DNAH10: variants seen among roughly 807,000 people sequenced by gnomAD.
The protein encoded by DNAH10 is dynein axonemal heavy chain 10.
In DNAH10, 348 loss-of-function variants were observed where a neutral mutation model predicts 506.6. The observed-to-expected ratio is 0.69, with a 90% CI of 0.63 to 0.75. DNAH10 has a LOEUF of 0.75. Ranked by LOEUF, DNAH10 falls within the 30% of genes least tolerant of loss-of-function variation. DNAH10 has a pLI of 0.00. For synonymous variants in DNAH10, 2,059 were observed against 2,198.6 expected (o/e 0.94, Z 1.78); for missense variants, 5,179 against 5,787.1 (o/e 0.89, Z 3.41).
intron 70 of DNAH10, chr12:123,929,003 T>C (rs2137689264): frequency 3.7e-6 from 2 of 534,420 alleles, no homozygotes; most frequent in South Asian, 2.6e-5. Context: ...TCTGGGGAGG[T>C]GGAGGGAAGA....
intron 1 of DNAH10, among the ~76,000 whole-genome samples, chr12:123,765,827 C>T (rs1451609879): frequency 1.3e-5 from 2 of 151,126 alleles, no homozygotes; most frequent in Non-Finnish European, 2.9e-5. Context: ...ATACATCTAT[C>T]TCTATCTATA....
At chr12:123,922,607 C>T (rs1954777768) in intron 65 of DNAH10, among the ~76,000 whole-genome samples, 1 of 152,212 alleles carries the variant, frequency 6.6e-6, no homozygotes, top group Admixed American at 6.5e-5. Context: ...GTGGCTTAAG[C>T]AACAGAAATT....
In DNAH10 at chr12:123,928,543, C is replaced by A; in HGVS notation, c.12262C>A (p.Pro4088Thr). The A allele has an allele frequency of 6.2e-7, 1 of 1,610,316 alleles. No individual in the cohort carries two copies. Among genetic ancestry groups the A allele is most frequent in the Admixed American group, 1.7e-5 (1 of 59,556 alleles). ...CTTCCGCCTGTGGCTCACCACGGAC[C>A]CCACCAAGGGCTTCCCCATTGGGAT... ...PDFRLWLTTDPTKGFPIGILQ... is the reference protein window; with the variant it reads ...PDFRLWLTTDTTKGFPIGILQ... The change falls in exon 70 of 79, where the codon CCC becomes ACC. Residue 4088 changes from proline to threonine, a missense_variant. Coordinates refer to ENST00000673944, the MANE Select transcript of DNAH10 (RefSeq NM_001372106.1). This position sits in a 1 kb window ranked among gnomAD's most constrained non-coding sequence, Gnocchi z 4.9.
chr12:123,779,469 C>A (rs1337579581), intron 5 of DNAH10, among the ~76,000 whole-genome samples: 2 of 152,106 alleles, frequency 1.3e-5, no homozygotes, highest in Non-Finnish European at 2.9e-5. Context: ...TGTTGCCTTC[C>A]CCATATGAAA....
At chr12:123,851,464 C>T (rs1398066502) in intron 35 of DNAH10, among the ~76,000 whole-genome samples, 1 of 152,192 alleles carries the variant, frequency 6.6e-6, no homozygotes, top group African/African-American at 2.4e-5. Context: ...TTCTTCCTCC[C>T]CCACCTCTTT....
Position 123,923,822 on chromosome 12 carries a change from G to T in DNAH10, c.11566G>T (p.Ala3856Ser), listed in dbSNP as rs774211643. 27 of 1,612,200 alleles carry T rather than the reference G, an allele frequency of 1.7e-5. No individual in the cohort carries two copies. In the Middle Eastern group the frequency reaches 4.9e-4, roughly 29 times the overall value. Residue 3856 changes from alanine to serine, a missense_variant, in exon 66 of 79, where the codon GCA becomes TCA. By Grantham distance (99) the Ala-to-Ser change is moderately conservative. Around this residue, in one of 3 missense-constraint regions of DNAH10, gnomAD observed 4,844 missense variants for 5,430.5 expected, o/e 0.89. Transcript: ENST00000673944. ...TAATATGACCATCAAGATAGAACAA[G>T]CAGAAGGGAGAGTCCCTCAAGAAGA... ...SFNMTIKIEQ[A>S]EGRVPQEELD...
chr12:123,860,764 A>G (rs1951579855), intron 38 of DNAH10, among the ~76,000 whole-genome samples: 1 of 152,224 alleles, frequency 6.6e-6, no homozygotes. Flanking sequence ...GGTGCCCTCC[A>G]GAGGCAAAGC....
chr12:123,826,108 C>A (rs899253512), intron 24 of DNAH10, among the ~76,000 whole-genome samples: 1 of 151,496 alleles, frequency 6.6e-6, no homozygotes, highest in African/African-American at 2.4e-5. Context: ...TGGGTGGCAG[C>A]GAGACCCTGT....
intron 28 of DNAH10, 99 bp from the exon 29 acceptor site, chr12:123,838,357 C>T (rs558126964): frequency 2.0e-5 from 21 of 1,046,084 alleles, no homozygotes; most frequent in Admixed American, 7.8e-5. Context: ...TTGTCTCGGC[C>T]GTGCCTGGGC....
rs537839268 is a variant in DNAH10, at chr12:123,868,034, G to A, written c.7434G>A (p.Met2478Ile). Residue 2478 changes from methionine (M) to isoleucine (I), a missense_variant, in exon 43 of 79, where the codon ATG becomes ATA. Met to Ile is a conservative substitution (Grantham distance 10). This residue lies in a region of DNAH10 where 4,844 missense variants were observed against 5,430.5 expected (regional missense o/e 0.89). Coordinates refer to ENST00000673944, the MANE Select transcript of DNAH10 (RefSeq NM_001372106.1). Reference sequence around the variant, plus strand: ...CCTCCCTGCTTGAGGATGGAAGGATGAAATTTGACGAATATATCAAACGCC... The same window carrying A: ...CCTCCCTGCTTGAGGATGGAAGGATAAAATTTGACGAATATATCAAACGCC... The part of the protein sequence containing the change: ...LGASLLEDGR[M>I]KFDEYIKRLA... 2 of 1,613,926 alleles carry A rather than the reference G, an allele frequency of 1.2e-6. No homozygotes were observed. The highest frequency in any genetic ancestry group is 2.2e-5 in the South Asian group (2 of 91,074).
chr12:123,887,879 G>A (rs975519682), intron 52 of DNAH10, among the ~76,000 whole-genome samples: 1 of 152,112 alleles, frequency 6.6e-6, no homozygotes, highest in African/African-American at 2.4e-5. Context: ...CGAGTAGCTG[G>A]GACTACAGGC....
intron 12 of DNAH10, 43 bp from the exon 13 acceptor site, chr12:123,796,613 G>C: frequency 6.6e-7 from 1 of 1,525,292 alleles, no homozygotes; most frequent in Non-Finnish European, 8.8e-7. Flanking sequence ...TGGCTAACCT[G>C]GCGATGTTTA....
rs147685127 is a variant in DNAH10, at chr12:123,813,363, G to A, written c.3344G>A (p.Arg1115Gln). The part of the protein sequence containing the change: ...MKYLQKWKRY[R>Q]PLWKLDKAIV... ...TATCTACAAAAATGGAAGCGGTATCGACCTCTCTGGAAATTGGACAAAGCT... is the reference window on the plus strand; with the variant it reads ...TATCTACAAAAATGGAAGCGGTATCAACCTCTCTGGAAATTGGACAAAGCT... The change falls in exon 20 of 79, where the codon CGA becomes CAA. Residue 1115 changes from arginine (R) to glutamine (Q), a missense_variant. Around this residue, in one of 3 missense-constraint regions of DNAH10, gnomAD observed 4,844 missense variants for 5,430.5 expected, o/e 0.89. Coordinates refer to ENST00000673944, the MANE Select transcript of DNAH10 (RefSeq NM_001372106.1). The A allele has an allele frequency of 1.2e-5, 19 of 1,614,078 alleles. No homozygotes were observed. Among genetic ancestry groups the A allele is most frequent in the Middle Eastern group, 1.6e-4 (1 of 6,084 alleles).
Position 123,926,353 on chromosome 12 carries a change from G to A in DNAH10, c.11922-284G>A. The A allele has an allele frequency of 2.5e-6, 1 of 401,164 alleles. No individual in the cohort carries two copies. The highest frequency in any genetic ancestry group is 4.3e-6 in the Non-Finnish European group (1 of 230,210). The allele number at this position is 401,164 out of a possible 1,614,324, so 24.9% of individuals were successfully genotyped here. ...GGAACCTCAGGGTTTTGTGCCATGG[G>A]CAGGCCCACCTAGAGGGCAAGCTGA... On this transcript the variant is annotated intron_variant, in intron 68 of 78. Coordinates refer to ENST00000673944, the MANE Select transcript of DNAH10 (RefSeq NM_001372106.1). The surrounding 1 kb of genome is among the most constrained non-coding windows in gnomAD (Gnocchi z 4.1).
rs750762041 is a variant in DNAH10, at chr12:123,781,168, A to G, written c.710A>G (p.His237Arg). 3 of 1,614,154 alleles carry G rather than the reference A, an allele frequency of 1.9e-6. No individual in the cohort carries two copies. Among genetic ancestry groups the G allele is most frequent in the Non-Finnish European group, 2.5e-6 (3 of 1,180,010 alleles). The part of the protein sequence containing the change: ...TSGEVSNSSE[H>R]ESDLPPMPGE... Reference sequence around the variant, plus strand: ...GGAGAAGTCTCTAATTCCTCTGAGCATGAATCAGACCTGCCGCCCATGCCT... The same window carrying G: ...GGAGAAGTCTCTAATTCCTCTGAGCGTGAATCAGACCTGCCGCCCATGCCT... The change falls in exon 6 of 79, where the codon CAT becomes CGT. Residue 237 changes from histidine to arginine, a missense_variant. Physicochemically the swap from His to Arg is conservative, Grantham distance 29. Coordinates refer to ENST00000673944, the MANE Select transcript of DNAH10 (RefSeq NM_001372106.1).
chr12:123,857,250 A>G lies in DNAH10; in HGVS notation c.6630+3A>G. On this transcript the variant is annotated splice_donor_region_variant and intron_variant, in intron 37 of 78. Transcript: ENST00000673944. ...GCTACGCGGTCCTACCCATCCAGGT[A>G]AAGCCAGGAAAATGACCTCACTGTG... 6.5e-7 allele frequency: 1 copy of G among 1,541,404 alleles called. No individual in the cohort carries two copies. The highest frequency in any genetic ancestry group is 8.8e-7 in the Non-Finnish European group (1 of 1,138,648).
intron 51 of DNAH10, among the ~76,000 whole-genome samples, chr12:123,886,497 G>A (rs1475099179): frequency 8.8e-6 from 1 of 113,464 alleles, no homozygotes; most frequent in Non-Finnish European, 2.3e-5. Context: ...GTGCACACGT[G>A]TGTGTGTGTG....
intron 11 of DNAH10, among the ~76,000 whole-genome samples, chr12:123,793,228 G>A (rs1350449239): frequency 6.6e-6 from 1 of 152,194 alleles, no homozygotes; most frequent in East Asian, 1.9e-4. Context: ...CCCTTCCTGG[G>A]CCCAGTGCCT....
intron 12 of DNAH10, among the ~76,000 whole-genome samples, chr12:123,796,447 ACT>A (rs1399045117): frequency 6.8e-6 from 1 of 148,110 alleles, no homozygotes; most frequent in East Asian, 1.9e-4. Context: ...ACAGCGCAAG[ACT>A]CTGCCTCAAC....
Sources: gnomAD v4.1 joint callset for allele counts (sites outside exome capture counted in the v4.1 genomes callset) on GRCh38, gnomAD v4.1.1 for gene constraint, gnomAD v4.1.1 regional missense constraint, Gnocchi (gnomAD v3.1) non-coding constraint, MANE v1.5 for transcripts, NCBI Gene and HGNC (gene_info 2026-07-23, HGNC 2026-07-21) for gene names.